The following ARHGAP24 variants were observed in gnomAD, a reference collection of about 807,000 sequenced individuals.
ARHGAP24 encodes the protein rho GTPase-activating protein 24.
A neutral mutation model predicts 76.4 loss-of-function variants in ARHGAP24; 50 were observed. The ratio of observed to expected loss-of-function variants is 0.65; its 90% CI spans 0.52 to 0.83. The LOEUF (loss-of-function observed/expected upper bound fraction) is 0.83. Among genes scored for constraint, ARHGAP24 ranks in the 40% least tolerant of loss-of-function variants. The pLI is 0.00. For missense variants in ARHGAP24, 930 were observed against 914.2 expected, an observed-to-expected ratio of 1.02 and a Z score of -0.22; for synonymous variants, 345 against 323.3, an observed-to-expected ratio of 1.07 and a Z score of -0.72.
intron 4 of ARHGAP24, among the ~76,000 whole-genome samples, chr4:85,938,825 TTC>T (rs1283487687): frequency 6.6e-6 from 1 of 152,146 alleles, no homozygotes; most frequent in Non-Finnish European, 1.5e-5. Flanking sequence ...AGTATTTTCC[TTC>T]TCTTTTTTTT....
At chr4:85,502,638 C>T (rs1031026126) in intron 1 of ARHGAP24, among the ~76,000 whole-genome samples, 2 of 152,156 alleles carry the variant, frequency 1.3e-5, no homozygotes, top group African/African-American at 4.8e-5. Flanking sequence ...GTGGGGTTTT[C>T]TAAACATAGA....
intron 3 of ARHGAP24, among the ~76,000 whole-genome samples, chr4:85,916,762 T>C (rs1265822839): frequency 2.0e-5 from 3 of 152,204 alleles, no homozygotes; most frequent in Non-Finnish European, 4.4e-5. Context: ...TCTTGGAAAC[T>C]AACTCAAATG....
In ARHGAP24 at chr4:85,594,909, G is replaced by A. The variant is rs571858009; in HGVS notation, c.180+24188G>A. On this transcript the variant is annotated intron_variant, in intron 2 of 9. Transcript: ENST00000395184. ...ATGTTTCTGCATGTAGGGAAGTAATGTAGTCTATTTAGAAAAATGAATTTA... is the reference window on the plus strand; with the variant it reads ...ATGTTTCTGCATGTAGGGAAGTAATATAGTCTATTTAGAAAAATGAATTTA... Among the ~76,000 whole-genome samples, 9 of 152,026 alleles carry A rather than the reference G, an allele frequency of 5.9e-5. No individual in the cohort carries two copies. In the South Asian group the frequency reaches 1.5e-3, roughly 25 times the overall value.
intron 8 of ARHGAP24, among the ~76,000 whole-genome samples, chr4:85,989,834 A>G (rs1013279840): frequency 4.0e-5 from 6 of 151,730 alleles, no homozygotes; most frequent in Non-Finnish European, 7.4e-5. Flanking sequence ...AACAAAGGTT[A>G]TCTCTGAAAA....
chr4:85,744,468 AG>A (rs1251158545), intron 3 of ARHGAP24, among the ~76,000 whole-genome samples: 1 of 152,232 alleles, frequency 6.6e-6, no homozygotes, highest in Non-Finnish European at 1.5e-5. Context: ...TTCTTAAATG[AG>A]AGCAAAAAAT....
chr4:85,769,273 T>C (rs1223071365), intron 3 of ARHGAP24, among the ~76,000 whole-genome samples: 2 of 152,208 alleles, frequency 1.3e-5, no homozygotes, highest in East Asian at 3.8e-4. Context: ...TAAACATTTA[T>C]TAGGTAGTCA....
chr4:85,476,800 A>T (rs1219397824), intron 1 of ARHGAP24, among the ~76,000 whole-genome samples: 1 of 152,200 alleles, frequency 6.6e-6, no homozygotes, highest in Non-Finnish European at 1.5e-5. Context: ...AAGCCAGAAA[A>T]CAGCCATAAA....
rs529245590 is a variant in ARHGAP24 at position 85,623,136 on chromosome 4, G to A, written c.180+52415G>A. ...TTTGTCAATTTTGGCTTCTGTTGCC[G>A]TTGCTTTTGGTGTTTTAGACACGAA... is the stretch of plus-strand genomic sequence containing the variant. On this transcript the variant is annotated intron_variant, in intron 2 of 9. Transcript: ENST00000395184. 5.4e-4 allele frequency among the ~76,000 whole-genome samples: 82 copies of A among 152,190 alleles called. No homozygotes were observed. In the South Asian group the frequency reaches 8.9e-3, roughly 17 times the overall value.
intron 2 of ARHGAP24, among the ~76,000 whole-genome samples, chr4:85,660,071 G>A (rs797015316): frequency 1.6e-4 from 25 of 152,040 alleles, no homozygotes; most frequent in Middle Eastern, 3.2e-3. Flanking sequence ...TGGAAAAAAC[G>A]GCATGTGCTT....
chr4:85,872,848 C>T (rs1050852101), intron 3 of ARHGAP24, among the ~76,000 whole-genome samples: 2 of 151,456 alleles, frequency 1.3e-5, no homozygotes, highest in African/African-American at 4.9e-5. Flanking sequence ...GCAAGCCACC[C>T]GCCTCAGCCT....
At chr4:85,651,736 A>T (rs1721952974) in intron 2 of ARHGAP24, among the ~76,000 whole-genome samples, 1 of 151,486 alleles carries the variant, frequency 6.6e-6, no homozygotes, top group African/African-American at 2.4e-5. Flanking sequence ...GTATAATTTT[A>T]TAATTTGTTG....
intron 5 of ARHGAP24, among the ~76,000 whole-genome samples, chr4:85,964,720 T>C (rs1211769481): frequency 6.6e-6 from 1 of 152,154 alleles, no homozygotes; most frequent in East Asian, 1.9e-4. Context: ...GCTACTTTCT[T>C]TTTGAGGAGT....
At chr4:85,661,104 C>G (rs1163369528) in intron 2 of ARHGAP24, among the ~76,000 whole-genome samples, 2 of 152,162 alleles carry the variant, frequency 1.3e-5, no homozygotes, top group Admixed American at 1.3e-4. Flanking sequence ...TAGGAACATA[C>G]TCAGATTTTG....
intron 8 of ARHGAP24, among the ~76,000 whole-genome samples, chr4:85,992,466 T>G (rs1201810712): frequency 1.3e-5 from 2 of 152,142 alleles, no homozygotes; most frequent in Non-Finnish European, 2.9e-5. Context: ...GCTCTTCAAT[T>G]AATTACATGC....
chr4:85,961,875 A>G (rs937538337), intron 5 of ARHGAP24, among the ~76,000 whole-genome samples: 2 of 152,114 alleles, frequency 1.3e-5, no homozygotes, highest in Admixed American at 6.6e-5. Context: ...CCTTGGTTAC[A>G]TAATCTAAAG....
chr4:85,656,636 T>C (rs1320484962), intron 2 of ARHGAP24, among the ~76,000 whole-genome samples: 2 of 152,020 alleles, frequency 1.3e-5, no homozygotes, highest in Non-Finnish European at 2.9e-5. Context: ...ACCAGCTAAT[T>C]TTTGTATTTT....
chr4:85,956,801 G>C (rs1244443269), intron 5 of ARHGAP24, among the ~76,000 whole-genome samples: 1 of 152,148 alleles, frequency 6.6e-6, no homozygotes, highest in Non-Finnish European at 1.5e-5. Flanking sequence ...GCAGCAAAAA[G>C]CAGTGGTGGA....
chr4:85,862,535 C>T (rs950050663), intron 3 of ARHGAP24, among the ~76,000 whole-genome samples: 34 of 152,024 alleles, frequency 2.2e-4, no homozygotes, highest in Non-Finnish European at 5.9e-5. Context: ...CACAGGGACT[C>T]ATATATAGAA....
intron 4 of ARHGAP24, among the ~76,000 whole-genome samples, chr4:85,931,981 A>G (rs1266779218): frequency 6.6e-6 from 1 of 150,436 alleles, no homozygotes; most frequent in Non-Finnish European, 1.5e-5. Context: ...TTCCCTAGTT[A>G]GTAACTAACA....
Sources: allele counts gnomAD v4.1 joint callset (sites outside exome capture counted in the v4.1 genomes callset), GRCh38; gene constraint gnomAD v4.1.1; transcripts MANE v1.5; gene names NCBI Gene and HGNC (gene_info 2026-07-23, HGNC 2026-07-21).